The following EFL1 variants were observed in gnomAD, a reference collection of about 807,000 sequenced individuals.
EFL1 encodes the protein elongation factor like GTPase 1, also known as elongation factor-like GTPase 1.
In EFL1, 76 loss-of-function variants were observed where a neutral mutation model predicts 126.7. The ratio of observed to expected loss-of-function variants is 0.60; its 90% CI spans 0.50 to 0.73. EFL1 has a LOEUF of 0.73. Ranked by LOEUF, EFL1 falls within the 30% of genes least tolerant of loss-of-function variation. The pLI is 0.00. For synonymous variants in EFL1, 410 were observed against 448.4 expected (o/e 0.91, Z 1.08); for missense variants, 1,128 against 1,343.2 (o/e 0.84, Z 2.50).
intron 3 of EFL1, among the ~76,000 whole-genome samples, chr15:82,254,048 C>T (rs1399513259): frequency 6.6e-6 from 1 of 152,208 alleles, no homozygotes; most frequent in Non-Finnish European, 1.5e-5. Flanking sequence ...CACATTTATT[C>T]ATCCATATTA....
At chr15:82,256,351 ACTT>A (rs2075066496) in intron 3 of EFL1, among the ~76,000 whole-genome samples, 1 of 152,180 alleles carries the variant, frequency 6.6e-6, no homozygotes, top group Admixed American at 6.5e-5. Flanking sequence ...GCTCACGTAT[ACTT>A]CTTTTCAACA....
intron 15 of EFL1, among the ~76,000 whole-genome samples, chr15:82,210,904 C>T (rs908949448): frequency 6.6e-6 from 1 of 150,788 alleles, no homozygotes; most frequent in African/African-American, 2.4e-5. Context: ...AAGAGACAAG[C>T]TATTCCCACC....
chr15:82,257,329 C>G (rs1469019910), intron 3 of EFL1, among the ~76,000 whole-genome samples: 2 of 152,130 alleles, frequency 1.3e-5, no homozygotes, highest in Non-Finnish European at 2.9e-5. Flanking sequence ...TGCCTCCTCT[C>G]TTTTCTTCTT....
intron 15 of EFL1, among the ~76,000 whole-genome samples, chr15:82,171,020 C>T (rs145782037): frequency 0.011 from 1,618 of 152,260 alleles, 30 homozygotes; most frequent in African/African-American, 0.037. Context: ...GGAAGAGATA[C>T]GGCTTTACAC....
At chr15:82,237,292 G>GA (rs1567074894) in intron 7 of EFL1, among the ~76,000 whole-genome samples, 1 of 152,098 alleles carries the variant, frequency 6.6e-6, no homozygotes, top group Non-Finnish European at 1.5e-5. Flanking sequence ...GTTTAGAATA[G>GA]AAAAAACTCT....
At chr15:82,221,530 A>C (rs1364612175) in intron 12 of EFL1, among the ~76,000 whole-genome samples, 5 of 152,178 alleles carry the variant, frequency 3.3e-5, no homozygotes, top group African/African-American at 4.8e-5. Context: ...CTCTAGTCCT[A>C]GTATCCAGGA....
chr15:82,139,191 G>C (rs535228406), intron 18 of EFL1, among the ~76,000 whole-genome samples: 2 of 152,226 alleles, frequency 1.3e-5, no homozygotes, highest in East Asian at 3.9e-4. Context: ...GAGTGACTGG[G>C]CTTCATAAAT....
chr15:82,153,325 T>A (rs557285772), intron 17 of EFL1, among the ~76,000 whole-genome samples: 1 of 152,314 alleles, frequency 6.6e-6, no homozygotes, highest in South Asian at 2.1e-4. Context: ...TTGTATGTTT[T>A]TAAAACTACT....
At chr15:82,194,963 T>C (rs1227845297) in intron 15 of EFL1, among the ~76,000 whole-genome samples, 2 of 152,222 alleles carry the variant, frequency 1.3e-5, no homozygotes, top group African/African-American at 4.8e-5. Context: ...AAACTTAAAC[T>C]TGGTAATGAC....
intron 15 of EFL1, among the ~76,000 whole-genome samples, chr15:82,188,916 TG>T (rs1345021051): frequency 7.1e-6 from 1 of 140,762 alleles, no homozygotes; most frequent in Non-Finnish European, 1.5e-5. Flanking sequence ...AATGTGTTTA[TG>T]CTTTTTTTTT....
intron 19 of EFL1, 61 bp downstream of exon 19, chr15:82,138,597 C>T: frequency 6.4e-7 from 1 of 1,572,826 alleles, no homozygotes; most frequent in Non-Finnish European, 8.6e-7. Flanking sequence ...TCTTGGCCTC[C>T]TCTGTAGGGA....
chr15:82,235,208 AATAG>A (rs2074860770), intron 7 of EFL1, among the ~76,000 whole-genome samples: 1 of 152,338 alleles, frequency 6.6e-6, no homozygotes, highest in Admixed American at 6.5e-5. Context: ...AGACTTAGAT[AATAG>A]ATAGTAATAT....
chr15:82,201,278 T>G (rs1054780351), intron 15 of EFL1, among the ~76,000 whole-genome samples: 7 of 152,214 alleles, frequency 4.6e-5, no homozygotes, highest in African/African-American at 1.7e-4. Flanking sequence ...GGCCCAGTCC[T>G]TAGGGAATTT....
chr15:82,226,929 G>A (rs117933774), intron 11 of EFL1, among the ~76,000 whole-genome samples: 2,301 of 152,274 alleles, frequency 0.015, 25 homozygotes, highest in East Asian at 0.024. Flanking sequence ...AGCAATGGAA[G>A]CCTAAAAGTC....
At chr15:82,235,607 T>C (rs903772128) in intron 7 of EFL1, among the ~76,000 whole-genome samples, 7 of 152,130 alleles carry the variant, frequency 4.6e-5, no homozygotes, top group Non-Finnish European at 7.4e-5. Context: ...CATACAAATA[T>C]ATTAATTAAT....
intron 15 of EFL1, among the ~76,000 whole-genome samples, chr15:82,194,835 G>C (rs926310326): frequency 6.6e-6 from 1 of 152,164 alleles, no homozygotes; most frequent in Non-Finnish European, 1.5e-5. Context: ...ACAAAATCTA[G>C]TAGTCAATGT....
Position 82,138,699 on chromosome 15 carries a change from T to G in EFL1, c.3133A>C (p.Ser1045Arg), listed in dbSNP as rs967074842. 1.2e-6 allele frequency: 2 copies of G among 1,614,024 alleles called. No individual in the cohort carries two copies. Among genetic ancestry groups the G allele is most frequent in the Non-Finnish European group, 1.7e-6 (2 of 1,179,908 alleles). Residue 1045 changes from serine (S) to arginine (R), a missense_variant, in exon 19 of 20, where the codon AGT becomes CGT. Physicochemically the swap from Ser to Arg is moderately radical, Grantham distance 110. Around this residue, in one of 6 missense-constraint regions of EFL1, gnomAD observed 561 missense variants for 641.7 expected, o/e 0.87. Transcript: ENST00000268206. ...ACTAGTTGTGGGCTGGCCAGGCCACTTGTCCTCTTCCTGATTTCATCAGCA... is the reference window on the plus strand; with the variant it reads ...ACTAGTTGTGGGCTGGCCAGGCCACGTGTCCTCTTCCTGATTTCATCAGCA... ...GFADEIRKRT[S>R]GLASPQLVFS...
intron 17 of EFL1, among the ~76,000 whole-genome samples, chr15:82,156,682 C>T (rs1019528465): frequency 1.3e-5 from 2 of 152,042 alleles, no homozygotes; most frequent in African/African-American, 4.8e-5. Flanking sequence ...ATAAATAGTG[C>T]TTAACACAGT....
At chr15:82,147,849 T>C (rs2073865276) in intron 18 of EFL1, among the ~76,000 whole-genome samples, 1 of 151,848 alleles carries the variant, frequency 6.6e-6, no homozygotes, top group South Asian at 2.1e-4. Context: ...ACATGCACAG[T>C]AGAAGGAAGA....
Sources: gnomAD v4.1 joint callset for allele counts (sites outside exome capture counted in the v4.1 genomes callset) on GRCh38, gnomAD v4.1.1 for gene constraint, gnomAD v4.1.1 regional missense constraint, MANE v1.5 for transcripts, NCBI Gene and HGNC (gene_info 2026-07-23, HGNC 2026-07-21) for gene names.